Variants in GOLPH3L observed in about 807,000 individuals in gnomAD.
The protein encoded by GOLPH3L is Golgi phosphoprotein 3-like.
A neutral mutation model predicts 30.3 loss-of-function variants in GOLPH3L; 22 were observed. The observed-to-expected ratio is 0.73, with a 90% confidence interval of 0.52 to 1.04. The LOEUF (loss-of-function observed/expected upper bound fraction) is 1.04. GOLPH3L is among the 50% of genes least tolerant of loss of function. The pLI is 0.00. For missense variants in GOLPH3L, 303 were observed against 345.8 expected (o/e 0.88, Z 0.98); for synonymous variants, 120 against 128.2 (o/e 0.94, Z 0.43).
chr1:150,652,395 A>C (rs1209917534), intron 4 of GOLPH3L, among the ~76,000 whole-genome samples: 9 of 149,504 alleles, frequency 6.0e-5, no homozygotes, highest in Non-Finnish European at 1.2e-4. Context: ...AAAAAAAAAA[A>C]AAAAAAAAAA....
At chr1:150,661,433 A>G (rs991624984) in intron 4 of GOLPH3L, among the ~76,000 whole-genome samples, 3 of 152,246 alleles carry the variant, frequency 2.0e-5, no homozygotes, top group African/African-American at 4.8e-5. Context: ...AGATTCATCA[A>G]CTGATGACTG....
chr1:150,669,638 A>C (rs1352490515), intron 2 of GOLPH3L, among the ~76,000 whole-genome samples: 1 of 152,164 alleles, frequency 6.6e-6, no homozygotes, highest in Admixed American at 6.6e-5. Context: ...GAGAATTTGC[A>C]GAATAAGATA....
Position 150,661,898 on chromosome 1 carries a change from C to T in GOLPH3L, c.346G>A (p.Asp116Asn), listed in dbSNP as rs1314853736. 6.3e-7 allele frequency: 1 copy of T among 1,587,920 alleles called. No homozygotes were observed. Among genetic ancestry groups the T allele is most frequent in the Admixed American group, 1.7e-5 (1 of 59,986 alleles). The change falls in exon 4 of 5, where the codon GAT becomes AAT. Residue 116 changes from aspartate (D) to asparagine (N), a missense_variant. Asp to Asn is a conservative substitution (Grantham distance 23). Coordinates refer to ENST00000271732, the MANE Select transcript of GOLPH3L (RefSeq NM_018178.6). ...TTCAGAGTTTCATCCAGTAAAACAT[C>T]ACCTGTTGGGCTGTCTGACTTTAGC... The part of the protein sequence containing the change: ...VLLKSDSPTG[D>N]VLLDETLKHI...
chr1:150,658,016 G>C (rs1053975790), intron 4 of GOLPH3L, among the ~76,000 whole-genome samples: 5 of 152,198 alleles, frequency 3.3e-5, no homozygotes, highest in Non-Finnish European at 5.9e-5. Context: ...TAATAACTTG[G>C]GGTAGAGGTT....
intron 2 of GOLPH3L, among the ~76,000 whole-genome samples, chr1:150,667,738 G>C (rs1043061877): frequency 6.6e-6 from 1 of 151,690 alleles, no homozygotes; most frequent in African/African-American, 2.4e-5. Flanking sequence ...GACTACAGGC[G>C]CCCGCCACCA....
At chr1:150,659,904 G>A (rs981516376) in intron 4 of GOLPH3L, among the ~76,000 whole-genome samples, 5 of 151,992 alleles carry the variant, frequency 3.3e-5, no homozygotes, top group African/African-American at 1.2e-4. Flanking sequence ...GTGTGATGGT[G>A]CGCACCCATA....
chr1:150,671,863 A>T (rs11204691), intron 2 of GOLPH3L, among the ~76,000 whole-genome samples: 57,251 of 149,414 alleles, frequency 0.38, 11,382 homozygotes, highest in South Asian at 0.55. Context: ...AAGCATCATT[A>T]AAAAATATGC....
chr1:150,678,910 A>T (rs753387520), intron 2 of GOLPH3L, among the ~76,000 whole-genome samples: 5 of 152,182 alleles, frequency 3.3e-5, no homozygotes, highest in Non-Finnish European at 5.9e-5. Flanking sequence ...GAGAGCCAAG[A>T]TCCAGCCTGG....
At chr1:150,655,804 G>C (rs1457078930) in intron 4 of GOLPH3L, among the ~76,000 whole-genome samples, 2 of 152,190 alleles carry the variant, frequency 1.3e-5, no homozygotes, top group Non-Finnish European at 2.9e-5. Context: ...ACAGATCTTA[G>C]AGCCATCAAT....
intron 3 of GOLPH3L, 44 bp from the exon 4 acceptor site, chr1:150,661,972 A>C (rs1175713501): frequency 4.7e-6 from 4 of 856,902 alleles, no homozygotes; most frequent in Non-Finnish European, 8.1e-6. Context: ...CCTTCACTTC[A>C]TTCAAGTTAA....
chr1:150,671,760 C>G (rs999843161), intron 2 of GOLPH3L, among the ~76,000 whole-genome samples: 2 of 140,554 alleles, frequency 1.4e-5, no homozygotes, highest in Non-Finnish European at 3.0e-5. Flanking sequence ...GAGCCGAGAT[C>G]GCACCACTGC....
chr1:150,648,683 T>C lies in GOLPH3L; in HGVS notation c.496A>G (p.Asn166Asp). Reference protein sequence around the residue: ...LRNVRERIAKNLVEKGILTTE... With the variant: ...LRNVRERIAKDLVEKGILTTE... Reference sequence around the variant, plus strand: ...GTTAGAATACCTTTCTCTACTAGGTTCTTTGCGATGCGCTCTCGTACATTT... The same window carrying C: ...GTTAGAATACCTTTCTCTACTAGGTCCTTTGCGATGCGCTCTCGTACATTT... Residue 166 changes from asparagine to aspartate, a missense_variant, in exon 5 of 5, where the codon AAC (asparagine) becomes GAC (aspartate). Physicochemically the swap from Asn to Asp is conservative, Grantham distance 23. Coordinates refer to ENST00000271732, the MANE Select transcript of GOLPH3L (RefSeq NM_018178.6). The C allele has an allele frequency of 1.2e-6, 2 of 1,612,564 alleles. No homozygotes were observed. Among genetic ancestry groups the C allele is most frequent in the Non-Finnish European group, 1.7e-6 (2 of 1,178,564 alleles).
chr1:150,663,722 C>A lies in GOLPH3L; in HGVS notation c.225G>T (p.Leu75=). The part of the protein sequence containing the change: ...SFWNDCISSG[L]RGGILIELAM... ...CCAGCTCTATCAGGATGCCCCCTCG[C>A]AGGCCTGATGATATGCAGTCATTCC... Residue 75 remains leucine (L), a synonymous_variant, in exon 3 of 5, where the codon CTG becomes CTT. Transcript: ENST00000271732. 6.2e-7 allele frequency: 1 copy of A among 1,613,010 alleles called. No individual in the cohort carries two copies. Among genetic ancestry groups the A allele is most frequent in the South Asian group, 1.1e-5 (1 of 91,036 alleles).
chr1:150,679,599 C>T (rs1420525273), intron 2 of GOLPH3L, among the ~76,000 whole-genome samples: 1 of 152,044 alleles, frequency 6.6e-6, no homozygotes. Context: ...AGTTAGAGAC[C>T]AGCCTGGGCA....
At chr1:150,654,822 A>G (rs1450371112) in intron 4 of GOLPH3L, among the ~76,000 whole-genome samples, 1 of 152,212 alleles carries the variant, frequency 6.6e-6, no homozygotes, top group African/African-American at 2.4e-5. Flanking sequence ...AACTCCCGCA[A>G]AAGGTCCCAA....
At chr1:150,690,430 T>C (rs898118151) in intron 2 of GOLPH3L, among the ~76,000 whole-genome samples, 7 of 152,160 alleles carry the variant, frequency 4.6e-5, no homozygotes, top group Non-Finnish European at 8.8e-5. Context: ...TCCCAAACCA[T>C]GTAAAAACAA....
In GOLPH3L at chr1:150,694,664, C is replaced by A; in HGVS notation, c.175G>T (p.Asp59Tyr). 4 of 1,595,536 alleles carry A rather than the reference C, an allele frequency of 2.5e-6. No individual in the cohort carries two copies. Among genetic ancestry groups the A allele is most frequent in the Non-Finnish European group, 3.4e-6 (4 of 1,170,608 alleles). Residue 59 changes from aspartate (D) to tyrosine (Y), a missense_variant, in exon 2 of 5, where the codon GAT (aspartate) becomes TAT (tyrosine). Coordinates refer to ENST00000271732, the MANE Select transcript of GOLPH3L (RefSeq NM_018178.6). ...MEEVLLLGLKDKEGYTSFWND... is the reference protein window; with the variant it reads ...MEEVLLLGLKYKEGYTSFWND... ...AAACCTAACTGCATTACCTCTTTAT[C>A]TTTTAGTCCCAGAAGCAATACTTCT... is the stretch of plus-strand genomic sequence containing the variant.
chr1:150,665,492 A>G (rs913942590), intron 2 of GOLPH3L, among the ~76,000 whole-genome samples: 1 of 152,146 alleles, frequency 6.6e-6, no homozygotes, highest in Non-Finnish European at 1.5e-5. Context: ...GCACCTAGCT[A>G]TAATAACTAT....
In GOLPH3L at chr1:150,683,664, C is replaced by T. The variant is rs140138546; in HGVS notation, c.183+10992G>A. 1.9e-3 allele frequency among the ~76,000 whole-genome samples: 247 copies of T among 132,160 alleles called. 2 individuals are homozygous for T. The highest frequency in any genetic ancestry group is 6.7e-3 in the African/African-American group (229 of 34,348). 86.7% of individuals were successfully genotyped at this position (132,160 alleles called of 152,430 possible). On this transcript the variant is annotated intron_variant, in intron 2 of 4. Transcript: ENST00000271732. The stretch of plus-strand genomic sequence containing the variant: ...GCAGCGAGCCAAGATCACGCTGCTG[C>T]ACTCCAGCTTGGGTGACAGAGCGAG...
Sources: gnomAD v4.1 joint callset for allele counts (sites outside exome capture counted in the v4.1 genomes callset) on GRCh38, gnomAD v4.1.1 for gene constraint, MANE v1.5 for transcripts, NCBI Gene and HGNC (gene_info 2026-07-23, HGNC 2026-07-21) for gene names.